Variants in CARNMT1 observed in about 807,000 individuals in gnomAD.
The protein encoded by CARNMT1 is carnosine N-methyltransferase 1, also known as protein-L-histidine N-pros-methyltransferase CARNMT1.
CARNMT1 carries 28 observed loss-of-function variants against 49.6 expected under a neutral mutation model. The observed-to-expected ratio is 0.56, with a 90% CI of 0.42 to 0.77. CARNMT1 has a LOEUF of 0.77. Among genes scored for constraint, CARNMT1 ranks in the 30% least tolerant of loss-of-function variants. The probability of loss-of-function intolerance (pLI) is 0.00; values close to 1 mark genes in which losing one functional copy is unlikely to be tolerated. For synonymous variants in CARNMT1, 178 were observed against 175.0 expected (o/e 1.02, Z -0.13); for missense variants, 421 against 512.6 (o/e 0.82, Z 1.73).
Position 74,984,992 on chromosome 9 carries a change from A to G in CARNMT1, c.1043T>C (p.Phe348Ser), listed in dbSNP as rs1832788070. The G allele has an allele frequency of 1.2e-6, 2 of 1,613,342 alleles. No individual in the cohort carries two copies. Among genetic ancestry groups the G allele is most frequent in the African/African-American group, 1.3e-5 (1 of 74,888 alleles). ...WINLGPLLYH[F>S]ENLANELSIE... ...GGAAAGTTCATTTGCCAGATTTTCA[A>G]AGTGGTACAGCAGAGGACCTATGGT... Residue 348 changes from phenylalanine (F) to serine (S), a missense_variant, in exon 7 of 8, where the codon TTT becomes TCT. Around this residue, in one of 2 missense-constraint regions of CARNMT1, gnomAD observed 235 missense variants for 344.8 expected, o/e 0.68. Transcript: ENST00000376834.
rs746858025 is a variant in CARNMT1 at position 75,017,285 on chromosome 9, G to A, written c.394C>T (p.His132Tyr). The change falls in exon 2 of 8, where the codon CAT becomes TAT. Residue 132 changes from histidine (H) to tyrosine (Y), a missense_variant. Coordinates refer to ENST00000376834, the MANE Select transcript of CARNMT1 (RefSeq NM_152420.3). ...CCATATTCTTTATTTTCAAACATAT[G>A]TATGCAATCATTCACAATGGTCAGT... ...ILLTIVNDCI[H>Y]MFENKEYGED... is the part of the protein sequence containing the mutation. The A allele has an allele frequency of 1.7e-5, 28 of 1,613,130 alleles. No homozygotes were observed. The highest frequency in any genetic ancestry group is 1.4e-5 in the Non-Finnish European group (16 of 1,179,356).
chr9:75,009,565 T>G (rs1833623195), intron 3 of CARNMT1, among the ~76,000 whole-genome samples: 1 of 152,208 alleles, frequency 6.6e-6, no homozygotes, highest in African/African-American at 2.4e-5. Context: ...TATTCCTATA[T>G]TGCCATATTT....
chr9:74,999,068 A>G (rs1833282157), intron 4 of CARNMT1, among the ~76,000 whole-genome samples: 1 of 152,178 alleles, frequency 6.6e-6, no homozygotes, highest in African/African-American at 2.4e-5. Flanking sequence ...ATAACAGTCC[A>G]ACGAGGTTTT....
At chr9:74,998,856 G>T in intron 4 of CARNMT1, 80 bp from the exon 5 acceptor site, 1 of 781,012 alleles carries the variant, frequency 1.3e-6, no homozygotes, top group Non-Finnish European at 1.9e-6. Flanking sequence ...AAAATATACT[G>T]TTTAATTGAA....
chr9:74,984,580 G>A (rs1452454182), intron 7 of CARNMT1, among the ~76,000 whole-genome samples: 3 of 152,026 alleles, frequency 2.0e-5, no homozygotes, highest in Admixed American at 1.3e-4. Flanking sequence ...TGTGGCAGGT[G>A]GTCAAAATTT....
chr9:75,006,505 G>A (rs1490897028), intron 3 of CARNMT1, among the ~76,000 whole-genome samples: 3 of 152,076 alleles, frequency 2.0e-5, no homozygotes, highest in African/African-American at 7.2e-5. Context: ...TCTAAATCAA[G>A]TAAGTAAAAC....
intron 3 of CARNMT1, among the ~76,000 whole-genome samples, chr9:75,000,775 T>C (rs1188683354): frequency 6.6e-6 from 1 of 152,206 alleles, no homozygotes; most frequent in Admixed American, 6.5e-5. Flanking sequence ...CTCCTACTAA[T>C]GATTTTTTTA....
intron 1 of CARNMT1, among the ~76,000 whole-genome samples, chr9:75,023,955 G>A (rs1029804809): frequency 3.3e-5 from 5 of 152,218 alleles, no homozygotes; most frequent in Admixed American, 2.6e-4. Context: ...ATCAGGAGGT[G>A]ACATCCTCTT....
At position 74,982,642 on chromosome 9, in the gene CARNMT1, T is replaced by G. The variant is rs1038746867; in HGVS notation, c.*1125A>C. The stretch of plus-strand genomic sequence containing the variant: ...TCAAAATTCCCCACATTAATACTAT[T>G]ATGACAGTTTTTCCTAGTATATAAT... On this transcript the variant is annotated 3_prime_UTR_variant, in exon 8 of 8. Transcript: ENST00000376834. The G allele has an allele frequency of 1.3e-5, 2 of 152,186 alleles. No homozygotes were observed. Among genetic ancestry groups the G allele is most frequent in the African/African-American group, 4.8e-5 (2 of 41,438 alleles). The allele number at this position is 152,186 out of a possible 1,614,324, so 9.4% of individuals were successfully genotyped here. A position where few individuals can be genotyped will look rare whatever the true frequency, so the allele number is the denominator to read the frequency against.
chr9:74,992,849 T>C (rs895517859), intron 6 of CARNMT1, among the ~76,000 whole-genome samples: 4 of 152,200 alleles, frequency 2.6e-5, no homozygotes, highest in Non-Finnish European at 5.9e-5. Context: ...TATGAATATA[T>C]TGATGTTCTA....
At chr9:75,010,934 T>C (rs1021192717) in intron 3 of CARNMT1, among the ~76,000 whole-genome samples, 1 of 152,186 alleles carries the variant, frequency 6.6e-6, no homozygotes, top group African/African-American at 2.4e-5. Flanking sequence ...TGAATGTCCC[T>C]GAATTATTTA....
intron 6 of CARNMT1, among the ~76,000 whole-genome samples, chr9:74,993,653 C>T (rs999937375): frequency 5.9e-5 from 9 of 152,088 alleles, no homozygotes; most frequent in Non-Finnish European, 1.3e-4. Context: ...CCTCCACCCC[C>T]GGAGGGCAAC....
chr9:75,023,981 AAGTAAAC>A (rs1249200702), intron 1 of CARNMT1, among the ~76,000 whole-genome samples: 1 of 152,208 alleles, frequency 6.6e-6, no homozygotes, highest in East Asian at 1.9e-4. Flanking sequence ...TAAGAGGAGA[AAGTAAAC>A]TTAGTAGCCA....
At chr9:74,987,772 GT>G (rs1832888479) in intron 6 of CARNMT1, among the ~76,000 whole-genome samples, 1 of 151,600 alleles carries the variant, frequency 6.6e-6, no homozygotes, top group Non-Finnish European at 1.5e-5. Context: ...TTTATTATAT[GT>G]CAATTATATC....
At chr9:75,016,175 TA>T in intron 3 of CARNMT1, 92 bp downstream of exon 3, 1 of 942,414 alleles carries the variant, frequency 1.1e-6, no homozygotes, top group South Asian at 1.6e-5. Flanking sequence ...ACACAGCAAC[TA>T]TAACAATGAA....
rs951420820 is a variant in CARNMT1, at chr9:75,016,177, T to A, written c.590+91A>T. 1.3e-5 allele frequency: 13 copies of A among 969,394 alleles called. No individual in the cohort carries two copies. The African/African-American group carries it at 2.0e-4, about 15-fold the overall frequency. The allele number at this position is 969,394 out of a possible 1,614,324, so 60.0% of individuals were successfully genotyped here. On this transcript the variant is annotated intron_variant, in intron 3 of 7. Transcript: ENST00000376834. Reference sequence around the variant, plus strand: ...AAAACATACAGGCACACAGCAACTATAACAATGAAGCGAGACTGTGAAACA... The same window carrying A: ...AAAACATACAGGCACACAGCAACTAAAACAATGAAGCGAGACTGTGAAACA...
chr9:74,988,684 T>C (rs1832923271), intron 6 of CARNMT1, among the ~76,000 whole-genome samples: 1 of 152,230 alleles, frequency 6.6e-6, no homozygotes, highest in Non-Finnish European at 1.5e-5. Context: ...ACAGGACAGA[T>C]GGCAAATAGT....
At chr9:74,991,071 T>C (rs1364997837) in intron 6 of CARNMT1, 3 of 152,104 alleles carry the variant, frequency 2.0e-5, no homozygotes, top group Admixed American at 1.3e-4. Flanking sequence ...TATAGTGATA[T>C]TGACATGCCC....
intron 1 of CARNMT1, chr9:75,026,976 T>C: frequency 1.3e-6 from 1 of 771,410 alleles, no homozygotes; most frequent in Non-Finnish European, 2.0e-6. Flanking sequence ...TAAAAACAAC[T>C]ATAATACATA....
Sources: gnomAD v4.1 joint callset for allele counts (sites outside exome capture counted in the v4.1 genomes callset) on GRCh38, gnomAD v4.1.1 for gene constraint, gnomAD v4.1.1 regional missense constraint, MANE v1.5 for transcripts, NCBI Gene and HGNC (gene_info 2026-07-23, HGNC 2026-07-21) for gene names.